SH3GL2: variants seen among roughly 807,000 people sequenced by gnomAD.
SH3GL2 encodes SH3 domain containing GRB2 like 2, endophilin A1.
Under a neutral mutation model 46.0 loss-of-function variants are expected in SH3GL2, and 24 were observed. The observed-to-expected ratio is 0.52, with a 90% CI of 0.38 to 0.73. The LOEUF is 0.73. Among genes scored for constraint, SH3GL2 ranks in the 30% least tolerant of loss-of-function variants. The pLI, the probability that SH3GL2 is intolerant of heterozygous loss-of-function variation, is 0.00. For synonymous variants in SH3GL2, 196 were observed against 147.1 expected (o/e 1.33, Z -2.40); for missense variants, 413 against 424.2 (o/e 0.97, Z 0.23).
At chr9:17,760,904 T>A (rs556418438) in intron 2 of SH3GL2, among the ~76,000 whole-genome samples, 1 of 152,238 alleles carries the variant, frequency 6.6e-6, no homozygotes, top group African/African-American at 2.4e-5. Flanking sequence ...TAGAACAAAT[T>A]TGGAGGATAG....
chr9:17,673,293 C>G (rs1347060144), intron 1 of SH3GL2, among the ~76,000 whole-genome samples: 1 of 151,400 alleles, frequency 6.6e-6, no homozygotes, highest in African/African-American at 2.4e-5. Flanking sequence ...GGACTACAGG[C>G]ACGCACCACC....
intron 1 of SH3GL2, among the ~76,000 whole-genome samples, chr9:17,682,413 C>T (rs1271811208): frequency 6.6e-6 from 1 of 152,104 alleles, no homozygotes; most frequent in Non-Finnish European, 1.5e-5. Flanking sequence ...TTTGCAGGGG[C>T]ATGGATGAAG....
At chr9:17,644,260 A>G (rs889714263) in intron 1 of SH3GL2, among the ~76,000 whole-genome samples, 1 of 151,362 alleles carries the variant, frequency 6.6e-6, no homozygotes, top group Non-Finnish European at 1.5e-5. Context: ...CCATCTATCT[A>G]GTTTGTCAAC....
At chr9:17,711,589 C>A (rs921459442) in intron 1 of SH3GL2, among the ~76,000 whole-genome samples, 1 of 151,714 alleles carries the variant, frequency 6.6e-6, no homozygotes, top group African/African-American at 2.4e-5. Context: ...TTTTGTCTGA[C>A]TTCTTTCAAT....
chr9:17,602,813 A>G (rs1048579094), intron 1 of SH3GL2, among the ~76,000 whole-genome samples: 2 of 152,196 alleles, frequency 1.3e-5, no homozygotes, highest in South Asian at 2.1e-4. Context: ...TTCTCTTTTT[A>G]ATGTTTAACT....
intron 1 of SH3GL2, among the ~76,000 whole-genome samples, chr9:17,696,597 G>A (rs1039811592): frequency 6.6e-6 from 1 of 152,118 alleles, no homozygotes; most frequent in African/African-American, 2.4e-5. Flanking sequence ...GAAGTGCCGA[G>A]CAAAGGGGGA....
intron 1 of SH3GL2, among the ~76,000 whole-genome samples, chr9:17,622,159 AGTT>A (rs1819155819): frequency 6.6e-6 from 1 of 152,072 alleles, no homozygotes. Flanking sequence ...ATGCATTAGG[AGTT>A]GTTTTGAAAA....
intron 1 of SH3GL2, among the ~76,000 whole-genome samples, chr9:17,588,074 G>T (rs1395349173): frequency 6.6e-6 from 1 of 152,196 alleles, no homozygotes; most frequent in Non-Finnish European, 1.5e-5. Flanking sequence ...GCTTAACCAA[G>T]AAGTCTTAAT....
chr9:17,677,995 G>T (rs1375211469), intron 1 of SH3GL2, among the ~76,000 whole-genome samples: 1 of 152,088 alleles, frequency 6.6e-6, no homozygotes. Flanking sequence ...TCCATGGTGT[G>T]TACGTGCCAC....
intron 1 of SH3GL2, among the ~76,000 whole-genome samples, chr9:17,701,152 C>A (rs1055923295): frequency 6.6e-6 from 1 of 152,154 alleles, no homozygotes; most frequent in African/African-American, 2.4e-5. Context: ...AGAGAATCCT[C>A]CCTCTGGTTT....
intron 1 of SH3GL2, among the ~76,000 whole-genome samples, chr9:17,727,627 G>GATT (rs1185566172): frequency 6.6e-6 from 1 of 152,096 alleles, no homozygotes; most frequent in Non-Finnish European, 1.5e-5. Flanking sequence ...AAACATCAGG[G>GATT]ATTAACACAC....
At chr9:17,583,241 T>C (rs1456522195) in intron 1 of SH3GL2, among the ~76,000 whole-genome samples, 1 of 152,200 alleles carries the variant, frequency 6.6e-6, no homozygotes, top group Non-Finnish European at 1.5e-5. Context: ...CCTTTTTTAA[T>C]GAGTTGGTTA....
chr9:17,643,976 G>C (rs1364420588), intron 1 of SH3GL2, among the ~76,000 whole-genome samples: 1 of 152,132 alleles, frequency 6.6e-6, no homozygotes, highest in Non-Finnish European at 1.5e-5. Context: ...CTTTTCTTTG[G>C]TTGGTAGGCT....
chr9:17,653,362 A>C (rs182512016), intron 1 of SH3GL2, among the ~76,000 whole-genome samples: 1 of 151,996 alleles, frequency 6.6e-6, no homozygotes, highest in Non-Finnish European at 1.5e-5. Flanking sequence ...ACTTTCCTCT[A>C]TTCTTTTGAG....
At chr9:17,761,289 T>A in intron 2 of SH3GL2, 148 bp from the exon 3 acceptor site, 1 of 644,626 alleles carries the variant, frequency 1.6e-6, no homozygotes. Flanking sequence ...CAGCATGACT[T>A]CCAGCCGCGT....
At chr9:17,700,379 G>A (rs748128518) in intron 1 of SH3GL2, among the ~76,000 whole-genome samples, 1 of 152,114 alleles carries the variant, frequency 6.6e-6, no homozygotes, top group African/African-American at 2.4e-5. Flanking sequence ...TAAATTCAGG[G>A]TCTTCAAGCT....
In SH3GL2 at chr9:17,752,876, A is replaced by G. The variant is rs370690206; in HGVS notation, c.114+5742A>G. ...CCCTCCTCCCACCCTCCACCCTCCA[A>G]TAGGTCCCAGTGTGTGTTGTTCCCC... On this transcript the variant is annotated intron_variant, in intron 2 of 8. Transcript: ENST00000380607. 1.1e-4 allele frequency among the ~76,000 whole-genome samples: 17 copies of G among 152,042 alleles called. No homozygotes were observed. The East Asian group carries it at 2.5e-3, about 22-fold the overall frequency.
chr9:17,643,253 T>A (rs1233041573), intron 1 of SH3GL2, among the ~76,000 whole-genome samples: 1 of 152,226 alleles, frequency 6.6e-6, no homozygotes, highest in African/African-American at 2.4e-5. Flanking sequence ...CCTGAGACTT[T>A]GCTGAAGTTG....
intron 1 of SH3GL2, among the ~76,000 whole-genome samples, chr9:17,688,648 G>A (rs1820990629): frequency 6.6e-6 from 1 of 151,978 alleles, no homozygotes; most frequent in Non-Finnish European, 1.5e-5. Flanking sequence ...GGAAAGGGGT[G>A]CTAAAGAATA....
Sources: allele counts gnomAD v4.1 joint callset (sites outside exome capture counted in the v4.1 genomes callset), GRCh38; gene constraint gnomAD v4.1.1; transcripts MANE v1.5; gene names NCBI Gene and HGNC (gene_info 2026-07-23, HGNC 2026-07-21).